Variants in TDRD12 observed in about 807,000 individuals in gnomAD.
TDRD12 encodes tudor domain containing 12.
Under a neutral mutation model 133.5 loss-of-function variants are expected in TDRD12, and 158 were observed. The observed-to-expected ratio is 1.18, with a 90% CI of 1.04 to 1.35. The LOEUF (loss-of-function observed/expected upper bound fraction) is 1.35, where lower values mean the gene tolerates loss of function less well. Among genes scored for constraint, TDRD12 ranks in the 40% most tolerant of loss-of-function variants. The pLI is 0.00. For synonymous variants in TDRD12, 460 were observed against 477.9 expected, an observed-to-expected ratio of 0.96 and a Z score of 0.49; for missense variants, 1,443 against 1,321.3, an observed-to-expected ratio of 1.09 and a Z score of -1.43.
At chr19:32,796,220 A>C in intron 14 of TDRD12, 3 of 979,090 alleles carry the variant, frequency 3.1e-6, no homozygotes, top group Non-Finnish European at 3.6e-6. Flanking sequence ...GTAAGAAGAC[A>C]TAGGGTTGCA....
intron 8 of TDRD12, among the ~76,000 whole-genome samples, chr19:32,764,996 A>G (rs527888261): frequency 7.9e-5 from 12 of 152,346 alleles, no homozygotes; most frequent in African/African-American, 2.9e-4. Flanking sequence ...TCATCTGACA[A>G]AGGGCTAATA....
At chr19:32,759,542 C>G (rs1970093764) in intron 8 of TDRD12, among the ~76,000 whole-genome samples, 2 of 152,064 alleles carry the variant, frequency 1.3e-5, no homozygotes, top group South Asian at 4.2e-4. Context: ...TCACTTGAAC[C>G]CAGGAGGCAG....
chr19:32,783,678 A>G (rs1346191577), intron 11 of TDRD12, among the ~76,000 whole-genome samples: 1 of 152,168 alleles, frequency 6.6e-6, no homozygotes, highest in Non-Finnish European at 1.5e-5. Context: ...GAGGTCCTTC[A>G]CATCCCTTGT....
At chr19:32,800,597 C>A (rs1178288097) in intron 17 of TDRD12, 47 bp from the exon 18 acceptor site, 1 of 1,477,484 alleles carries the variant, frequency 6.8e-7, no homozygotes, top group East Asian at 2.5e-5. Flanking sequence ...GGATCTGGAG[C>A]ACCTAAAATA....
At chr19:32,820,048 A>G (rs1967324313) in intron 27 of TDRD12, among the ~76,000 whole-genome samples, 1 of 152,128 alleles carries the variant, frequency 6.6e-6, no homozygotes, top group South Asian at 2.1e-4. Flanking sequence ...GTGAGGAGGA[A>G]GGAATCTACC....
chr19:32,758,286 C>T (rs1158613931), intron 8 of TDRD12, among the ~76,000 whole-genome samples: 1 of 152,050 alleles, frequency 6.6e-6, no homozygotes, highest in Admixed American at 6.6e-5. Flanking sequence ...TTTTTATGGA[C>T]TCAGAATGGG....
At chr19:32,791,008 G>C in exon 13 of TDRD12, 1 of 1,536,146 alleles carries the variant, frequency 6.5e-7, no homozygotes, top group Non-Finnish European at 8.7e-7. Flanking sequence ...TAGTGCTCCG[G>C]AACAAGATCA....
At chr19:32,745,255 C>T (rs951888408) in intron 4 of TDRD12, among the ~76,000 whole-genome samples, 1 of 152,244 alleles carries the variant, frequency 6.6e-6, no homozygotes, top group Admixed American at 6.5e-5. Context: ...ACCTTCTCTG[C>T]ATGGGCTCTT....
intron 11 of TDRD12, among the ~76,000 whole-genome samples, chr19:32,785,609 G>A (rs537336528): frequency 1.3e-5 from 2 of 151,950 alleles, no homozygotes; most frequent in African/African-American, 2.4e-5. Context: ...TCTCTTTGTA[G>A]GTCTCTTAAG....
In TDRD12 at chr19:32,719,812, C is replaced by CCAGG. The variant is rs1968561763; in HGVS notation, c.-252_-249dup. ...TCCGGTGGGTGCGGGAGGCCCGAGGCCAGGCAGGCAGGGATCCCGCAGCGA... is the reference window on the plus strand; with the variant it reads ...TCCGGTGGGTGCGGGAGGCCCGAGGCCAGGCAGGCAGGCAGGGATCCCGCAGCGA... On this transcript the variant is annotated 5_prime_UTR_variant, in exon 1 of 28. Coordinates refer to ENST00000444215, the Ensembl canonical transcript of TDRD12. 3 of 567,388 alleles carry CCAGG rather than the reference C, an allele frequency of 5.3e-6. No homozygotes were observed. In the East Asian group the frequency reaches 8.9e-5, roughly 17 times the overall value. 35.1% of individuals were successfully genotyped at this position (567,388 alleles called of 1,614,324 possible).
At chr19:32,744,503 A>AG (rs1969534169) in intron 4 of TDRD12, among the ~76,000 whole-genome samples, 1 of 138,490 alleles carries the variant, frequency 7.2e-6, no homozygotes, top group Non-Finnish European at 1.6e-5. Context: ...CCGTCTCAAA[A>AG]AAAAAAAAAA....
At chr19:32,821,170 G>A (rs1358779157) in exon 28 of TDRD12, 1 of 1,496,762 alleles carries the variant, frequency 6.7e-7, no homozygotes, top group Admixed American at 2.0e-5. Context: ...AGATGGTTAA[G>A]TTCAAATCGT....
intron 14 of TDRD12, chr19:32,796,240 A>G (rs913108773): frequency 1.1e-6 from 1 of 917,232 alleles, no homozygotes; most frequent in Non-Finnish European, 1.3e-6. Context: ...AGTTAGGAAA[A>G]ATACTAGCTC....
At chr19:32,762,466 A>G (rs1970176843) in intron 8 of TDRD12, among the ~76,000 whole-genome samples, 1 of 152,176 alleles carries the variant, frequency 6.6e-6, no homozygotes, top group Admixed American at 6.5e-5. Context: ...GAAATCTTAC[A>G]TATTGTTTTG....
chr19:32,815,444 C>T lies in TDRD12; in HGVS notation c.3142-4C>T. On this transcript the variant is annotated splice_polypyrimidine_tract_variant and splice_region_variant and intron_variant, in intron 25 of 27. Transcript: ENST00000444215. ...CTAATGTTCAATTTTTTCATTGATT[C>T]AAGGTGCACATTACAAACCTTTCCA... The T allele has an allele frequency of 6.5e-7, 1 of 1,530,482 alleles. No homozygotes were observed. Among genetic ancestry groups the T allele is most frequent in the East Asian group, 2.4e-5 (1 of 40,886 alleles). The allele number at this position is 1,530,482 out of a possible 1,614,324, so 94.8% of individuals were successfully genotyped here.
At chr19:32,782,472 G>A (rs529318151) in intron 11 of TDRD12, among the ~76,000 whole-genome samples, 2 of 152,200 alleles carry the variant, frequency 1.3e-5, no homozygotes, top group East Asian at 1.9e-4. Context: ...AATCCTTTGG[G>A]TATATGCCAA....
At chr19:32,779,497 C>T (rs1192364343) in intron 11 of TDRD12, among the ~76,000 whole-genome samples, 3 of 152,148 alleles carry the variant, frequency 2.0e-5, no homozygotes, top group African/African-American at 4.8e-5. Flanking sequence ...CCAGGATCCC[C>T]TTGGGAATCC....
chr19:32,782,769 T>A (rs1970805904), intron 11 of TDRD12, among the ~76,000 whole-genome samples: 1 of 152,244 alleles, frequency 6.6e-6, no homozygotes, highest in African/African-American at 2.4e-5. Context: ...TGCCTTCTTT[T>A]GAGAAGTGTC....
At chr19:32,827,870 G>C (rs566277194) in exon 10 of TDRD12, 24 of 152,182 alleles carry the variant, frequency 1.6e-4, no homozygotes, top group Non-Finnish European at 2.6e-4. Context: ...GGCGCCTCTC[G>C]CCACTCACCC....
Sources: gnomAD v4.1 joint callset for allele counts (sites outside exome capture counted in the v4.1 genomes callset) on GRCh38, gnomAD v4.1.1 for gene constraint, MANE v1.5 for transcripts, NCBI Gene and HGNC (gene_info 2026-07-23, HGNC 2026-07-21) for gene names.